DNAJB1: variants seen among roughly 807,000 people sequenced by gnomAD.
DNAJB1 encodes dnaJ homolog subfamily B member 1.
In DNAJB1, 14 loss-of-function variants were observed where a neutral mutation model predicts 24.0. The observed-to-expected ratio is 0.58, with a 90% CI of 0.39 to 0.91. The LOEUF (loss-of-function observed/expected upper bound fraction) is 0.91. DNAJB1 is among the 40% of genes least tolerant of loss of function. The pLI is 0.00. For synonymous variants in DNAJB1, 262 were observed against 174.4 expected (o/e 1.50, Z -3.96); for missense variants, 517 against 458.1 (o/e 1.13, Z -1.17).
At chr19:14,517,871 G>A (rs2072301268) in intron 1 of DNAJB1, 1 of 358,160 alleles carries the variant, frequency 2.8e-6, no homozygotes, top group East Asian at 4.2e-5. Flanking sequence ...ACCGCACCCC[G>A]GGGCTGCTCG....
chr19:14,557,329 C>T (rs552608047), intron 1 of DNAJB1, among the ~76,000 whole-genome samples: 11 of 150,434 alleles, frequency 7.3e-5, no homozygotes, highest in Non-Finnish European at 1.5e-4. Flanking sequence ...TTATTAGAGA[C>T]GGGGTTTCAC....
At chr19:14,526,170 G>A (rs1002425151) in intron 2 of DNAJB1, among the ~76,000 whole-genome samples, 7 of 152,286 alleles carry the variant, frequency 4.6e-5, no homozygotes, top group African/African-American at 9.6e-5. Flanking sequence ...AGCTTAGGCC[G>A]TCTCTTGCAG....
At chr19:14,551,294 C>G (rs113496412), upstream of DNAJB1, among the ~76,000 whole-genome samples, 20 of 151,868 alleles carry the variant, frequency 1.3e-4, no homozygotes, top group African/African-American at 4.6e-4. Context: ...AGGCTACTCT[C>G]GAACTCCTGA....
At chr19:14,538,938 C>T (rs1158007225) in intron 1 of DNAJB1, among the ~76,000 whole-genome samples, 1 of 151,384 alleles carries the variant, frequency 6.6e-6, no homozygotes, top group East Asian at 1.9e-4. Flanking sequence ...ATGCCAGTGC[C>T]TCAGTTTTGA....
chr19:14,533,055 T>C (rs992225186), upstream of DNAJB1, among the ~76,000 whole-genome samples: 1 of 151,792 alleles, frequency 6.6e-6, no homozygotes, highest in African/African-American at 2.4e-5. Flanking sequence ...GGAGTTGCCA[T>C]GAGCTGAGAT....
upstream of DNAJB1, among the ~76,000 whole-genome samples, chr19:14,522,683 G>GACACACAGACAGAC (rs751484199): frequency 1.8e-3 from 216 of 117,932 alleles, 3 homozygotes; most frequent in African/African-American, 7.4e-3. Flanking sequence ...CACACACACA[G>GACACACAGACAGAC]ACACACACAC....
chr19:14,558,480 G>C lies in DNAJB1; in HGVS notation c.-2166+1551C>G, dbSNP rs73927063. Among the ~76,000 whole-genome samples the C allele has an allele frequency of 2.8e-3, 425 of 152,240 alleles. 4 individuals carry two copies. Among genetic ancestry groups the C allele is most frequent in the African/African-American group, 9.8e-3 (409 of 41,544 alleles). On this transcript the variant is annotated intron_variant, in intron 1 of 5. Transcript: ENST00000679223. ...TGGCTCTGCCCTGACCTCGTGCTGC[G>C]ACGAGTTGCTGTTGGCTGGGCCCCG...
upstream of DNAJB1, among the ~76,000 whole-genome samples, chr19:14,553,569 C>T (rs573164716): frequency 3.9e-5 from 6 of 152,216 alleles, no homozygotes; most frequent in South Asian, 1.3e-3. Flanking sequence ...GCAGCTGAGC[C>T]CTAGGTCTTC....
At chr19:14,558,546 TG>T (rs1180390077) in intron 1 of DNAJB1, among the ~76,000 whole-genome samples, 1 of 152,090 alleles carries the variant, frequency 6.6e-6, no homozygotes, top group Non-Finnish European at 1.5e-5. Context: ...CTCAGGCTAG[TG>T]GAACTGTCAT....
chr19:14,517,940 C>T, intron 1 of DNAJB1, 199 bp downstream of exon 1: 1 of 497,140 alleles, frequency 2.0e-6, no homozygotes, highest in Non-Finnish European at 3.3e-6. Context: ...AAGCTTCTGG[C>T]CGAGCGGCTG....
At chr19:14,535,864 G>A (rs1195839806) in intron 1 of DNAJB1, among the ~76,000 whole-genome samples, 1 of 151,554 alleles carries the variant, frequency 6.6e-6, no homozygotes, top group African/African-American at 2.4e-5. Context: ...GAGGGGGTTG[G>A]AGGGGATCTT....
In DNAJB1 at chr19:14,518,350, G is replaced by A. The variant is rs114733595; in HGVS notation, c.-1C>T. The A allele has an allele frequency of 2.8e-3, 4,352 of 1,560,328 alleles. 124 individuals carry two copies. The African/African-American group carries it at 0.051, about 18-fold the overall frequency. Reference sequence around the variant, plus strand: ...ACGTCTGGTAGTAGTCTTTACCCATGACCCCCTCCTGCGGCCCGCCGACCC... The same window carrying A: ...ACGTCTGGTAGTAGTCTTTACCCATAACCCCCTCCTGCGGCCCGCCGACCC... On this transcript the variant is annotated 5_prime_UTR_variant, in exon 1 of 3. Coordinates refer to ENST00000254322, the MANE Select transcript of DNAJB1 (RefSeq NM_006145.3).
upstream of DNAJB1, among the ~76,000 whole-genome samples, chr19:14,521,835 T>G (rs1359562359): frequency 1.3e-5 from 2 of 152,198 alleles, no homozygotes; most frequent in Non-Finnish European, 2.9e-5. Context: ...TTGGCCAGGC[T>G]GGTCTTGAAC....
At chr19:14,526,004 G>A (rs992080772) in intron 2 of DNAJB1, among the ~76,000 whole-genome samples, 2 of 152,014 alleles carry the variant, frequency 1.3e-5, no homozygotes, top group Non-Finnish European at 2.9e-5. Context: ...CCAGGTTCTG[G>A]AAAAAGTCAA....
upstream of DNAJB1, among the ~76,000 whole-genome samples, chr19:14,518,590 G>A (rs2072322332): frequency 2.0e-5 from 3 of 148,612 alleles, no homozygotes; most frequent in Admixed American, 2.0e-4. Context: ...GCCCCCTCCC[G>A]CTCCGCCCTC....
In DNAJB1 at chr19:14,515,997, G is replaced by A. The variant is rs768653020; in HGVS notation, c.966C>T (p.Phe322=). 3.1e-6 allele frequency: 5 copies of A among 1,610,522 alleles called. No homozygotes were observed. In the South Asian group the frequency reaches 3.3e-5, roughly 11 times the overall value. ...TTGATGTCTGGGGAATCCTTTCGGG[G>A]AAGATCACTTCAAACTCAATAATGA... ...GDLIIEFEVI[F]PERIPQTSRT... Residue 322 remains phenylalanine, a synonymous_variant, in exon 3 of 3, where the codon TTC becomes TTT. Coordinates refer to ENST00000254322, the MANE Select transcript of DNAJB1 (RefSeq NM_006145.3).
chr19:14,551,938 CCTCCCTCCCTCT>C (rs1316583510), upstream of DNAJB1, among the ~76,000 whole-genome samples: 1 of 83,880 alleles, frequency 1.2e-5, no homozygotes, highest in Non-Finnish European at 2.4e-5. Flanking sequence ...TCTCTCTCTC[CCTCCCTCCCTCT>C]CTCTCTCTCT....
At chr19:14,525,724 G>C (rs1442781583) in intron 2 of DNAJB1, among the ~76,000 whole-genome samples, 1 of 151,950 alleles carries the variant, frequency 6.6e-6, no homozygotes, top group Admixed American at 6.6e-5. Context: ...CTTGATTGTA[G>C]TGGTGGTTGC....
chr19:14,532,009 G>GGAAAA (rs2072687157), upstream of DNAJB1: 1 of 62,364 alleles, frequency 1.6e-5, no homozygotes, highest in African/African-American at 5.0e-5. Context: ...CCTGTTTGAA[G>GGAAAA]AAAAAAAAAA....
Sources: gnomAD v4.1 joint callset for allele counts (sites outside exome capture counted in the v4.1 genomes callset) on GRCh38, gnomAD v4.1.1 for gene constraint, MANE v1.5 for transcripts, NCBI Gene and HGNC (gene_info 2026-07-23, HGNC 2026-07-21) for gene names.